The following GKAP1 variants were observed in gnomAD, a reference collection of about 807,000 sequenced individuals.
GKAP1 encodes G kinase anchoring protein 1.
GKAP1 carries 31 observed loss-of-function variants against 56.7 expected under a neutral mutation model. The observed-to-expected ratio is 0.55, with a 90% confidence interval of 0.41 to 0.74. The LOEUF is 0.74. Ranked by LOEUF, GKAP1 falls within the 30% of genes least tolerant of loss-of-function variation. The pLI, the probability that GKAP1 is intolerant of heterozygous loss-of-function variation, is 0.00. For missense variants in GKAP1, 364 were observed against 402.3 expected, an observed-to-expected ratio of 0.90 and a Z score of 0.82; for synonymous variants, 151 against 138.6, an observed-to-expected ratio of 1.09 and a Z score of -0.63.
At chr9:83,800,812 T>C (rs1291758208) in intron 3 of GKAP1, among the ~76,000 whole-genome samples, 1 of 152,208 alleles carries the variant, frequency 6.6e-6, no homozygotes, top group African/African-American at 2.4e-5. Flanking sequence ...GGTGGAGCTG[T>C]AACCAGTCCA....
At chr9:83,813,657 G>A (rs1156624053) in intron 2 of GKAP1, among the ~76,000 whole-genome samples, 1 of 152,128 alleles carries the variant, frequency 6.6e-6, no homozygotes, top group Non-Finnish European at 1.5e-5. Flanking sequence ...AAATTCACAC[G>A]ATAATTTTAA....
intron 9 of GKAP1, among the ~76,000 whole-genome samples, chr9:83,752,881 GC>G (rs1182060970): frequency 6.6e-6 from 1 of 151,960 alleles, no homozygotes; most frequent in Admixed American, 6.6e-5. Flanking sequence ...GACCAGCCTG[GC>G]CAACATGGTG....
chr9:83,790,701 T>C (rs566420890), intron 4 of GKAP1, among the ~76,000 whole-genome samples: 1 of 151,896 alleles, frequency 6.6e-6, no homozygotes, highest in Non-Finnish European at 1.5e-5. Context: ...TAATTCCAGC[T>C]ACTCGGGAGG....
At chr9:83,777,564 T>C (rs928278837) in intron 7 of GKAP1, among the ~76,000 whole-genome samples, 4 of 152,234 alleles carry the variant, frequency 2.6e-5, no homozygotes, top group Non-Finnish European at 4.4e-5. Flanking sequence ...CAAGAATATA[T>C]ATGCAGTTCA....
rs1367159084 is a variant in GKAP1, at chr9:83,753,278, T to C, written c.820A>G (p.Asn274Asp). The C allele has an allele frequency of 3.1e-6, 5 of 1,605,826 alleles. No individual in the cohort carries two copies. Among genetic ancestry groups the C allele is most frequent in the Non-Finnish European group, 4.3e-6 (5 of 1,173,080 alleles). Residue 274 changes from asparagine (N) to aspartate (D), a missense_variant, in exon 9 of 13, where the codon AAT becomes GAT. Physicochemically the swap from Asn to Asp is conservative, Grantham distance 23. Transcript: ENST00000376371. ...CAAACCTCCCATTGAGTGATTACAT[T>C]TTTCAGCTTCTGGATTTCAGCATCT... The part of the protein sequence containing the change: ...RKDAEIQKLK[N>D]VITQWEAKYK...
chr9:83,744,474 C>T (rs1448179010), intron 10 of GKAP1, among the ~76,000 whole-genome samples: 1 of 152,172 alleles, frequency 6.6e-6, no homozygotes, highest in African/African-American at 2.4e-5. Flanking sequence ...AGCTATAACC[C>T]TTCTGAGACC....
intron 9 of GKAP1, among the ~76,000 whole-genome samples, chr9:83,749,933 C>T (rs559723898): frequency 2.0e-4 from 30 of 152,240 alleles, no homozygotes; most frequent in Admixed American, 1.3e-3. Flanking sequence ...GGGGAAAACA[C>T]ATACACTCAA....
At chr9:83,808,325 G>T (rs1299040561) in intron 2 of GKAP1, among the ~76,000 whole-genome samples, 3 of 152,228 alleles carry the variant, frequency 2.0e-5, no homozygotes, top group Non-Finnish European at 4.4e-5. Context: ...GCCGGGTGCA[G>T]TGGCTCACAC....
intron 7 of GKAP1, among the ~76,000 whole-genome samples, chr9:83,779,448 T>TATATATAC (rs1554742273): frequency 1.5e-4 from 18 of 119,612 alleles, no homozygotes; most frequent in Middle Eastern, 4.4e-3. Flanking sequence ...TATATATATA[T>TATATATAC]ACACACACAC....
intron 8 of GKAP1, among the ~76,000 whole-genome samples, chr9:83,757,662 G>T (rs1211638532): frequency 1.3e-5 from 2 of 152,134 alleles, no homozygotes; most frequent in African/African-American, 4.8e-5. Flanking sequence ...AGTTAGCAGG[G>T]TGTAACACAT....
At chr9:83,801,419 C>G (rs1276772368) in intron 3 of GKAP1, among the ~76,000 whole-genome samples, 1 of 151,222 alleles carries the variant, frequency 6.6e-6, no homozygotes, top group Non-Finnish European at 1.5e-5. Context: ...TTAAGGCAGC[C>G]CTGAGAAACT....
At chr9:83,798,463 C>A (rs1239950617) in intron 4 of GKAP1, among the ~76,000 whole-genome samples, 1 of 152,174 alleles carries the variant, frequency 6.6e-6, no homozygotes, top group Non-Finnish European at 1.5e-5. Context: ...AAGAAACAAA[C>A]AACAGTAAAG....
intron 7 of GKAP1, among the ~76,000 whole-genome samples, chr9:83,774,928 C>T (rs1199218104): frequency 6.6e-6 from 1 of 151,114 alleles, no homozygotes; most frequent in East Asian, 1.9e-4. Context: ...AGGACGGTCT[C>T]GATCTCTTGA....
intron 4 of GKAP1, among the ~76,000 whole-genome samples, chr9:83,793,743 T>A (rs1288540046): frequency 6.6e-6 from 1 of 152,216 alleles, no homozygotes; most frequent in Non-Finnish European, 1.5e-5. Flanking sequence ...TAAACGTGTA[T>A]GTGTTAGGAT....
intron 4 of GKAP1, among the ~76,000 whole-genome samples, chr9:83,796,975 G>A (rs1051048212): frequency 2.6e-5 from 4 of 152,096 alleles, no homozygotes; most frequent in African/African-American, 4.8e-5. Flanking sequence ...TTTTCGAGGT[G>A]TGCTTTCACT....
chr9:83,814,469 T>G (rs937297787), intron 2 of GKAP1, among the ~76,000 whole-genome samples: 2 of 152,220 alleles, frequency 1.3e-5, no homozygotes, highest in Non-Finnish European at 1.5e-5. Flanking sequence ...TTCCCTCCTC[T>G]GTAATATTTC....
At chr9:83,780,706 T>C (rs1943957345) in intron 6 of GKAP1, among the ~76,000 whole-genome samples, 1 of 152,278 alleles carries the variant, frequency 6.6e-6, no homozygotes. Context: ...ATCTAGTTTT[T>C]TGGTTCCACA....
chr9:83,773,529 A>T (rs975514926), intron 7 of GKAP1, among the ~76,000 whole-genome samples: 8 of 149,192 alleles, frequency 5.4e-5, no homozygotes, highest in East Asian at 3.9e-4. Flanking sequence ...ACAGCTGTTT[A>T]AAAAAAAAAC....
chr9:83,803,489 G>A (rs1415176997), intron 3 of GKAP1, among the ~76,000 whole-genome samples: 3 of 152,220 alleles, frequency 2.0e-5, no homozygotes, highest in African/African-American at 4.8e-5. Flanking sequence ...TCCTAGCCGC[G>A]AGTGATCCAC....
Sources: allele counts gnomAD v4.1 joint callset (sites outside exome capture counted in the v4.1 genomes callset), GRCh38; gene constraint gnomAD v4.1.1; transcripts MANE v1.5; gene names NCBI Gene and HGNC (gene_info 2026-07-23, HGNC 2026-07-21).